The following PLG variants were observed in gnomAD, a reference collection of about 807,000 sequenced individuals.
PLG encodes plasminogen.
In PLG, 41 loss-of-function variants were observed where a neutral mutation model predicts 104.4. The observed-to-expected ratio is 0.39, with a 90% CI of 0.31 to 0.51. PLG has a LOEUF of 0.51. Among genes scored for constraint, PLG ranks in the 20% least tolerant of loss-of-function variants. The pLI is 0.76. For synonymous variants in PLG, 337 were observed against 357.1 expected, an observed-to-expected ratio of 0.94 and a Z score of 0.63; for missense variants, 891 against 1,003.6, an observed-to-expected ratio of 0.89 and a Z score of 1.52.
Position 160,724,148 on chromosome 6 carries a change from A to G in PLG, c.1256+1581A>G, listed in dbSNP as rs1471587178. The stretch of plus-strand genomic sequence containing the variant: ...ACCAGGAGAAAAAGCACTCAAAACA[A>G]ATAAACCCCAAAATGAAGAAATTGG... On this transcript the variant is annotated intron_variant, in intron 10 of 18. Transcript: ENST00000308192. This position sits in a 1 kb window ranked among gnomAD's most constrained non-coding sequence, Gnocchi z 5.0. 6.6e-6 allele frequency among the ~76,000 whole-genome samples: 1 copy of G among 152,222 alleles called. No homozygotes were observed. The highest frequency in any genetic ancestry group is 1.9e-4 in the East Asian group (1 of 5,204).
chr6:160,738,375 C>G lies in PLG; in HGVS notation c.1803-163C>G. On this transcript the variant is annotated intron_variant, in intron 14 of 18. Transcript: ENST00000308192. This position sits in a 1 kb window ranked among gnomAD's most constrained non-coding sequence, Gnocchi z 6.8. ...CTTCTCAAAAATCCCACTCCTGGAG[C>G]ACTGGCCAAAATTACTACCATCCTG... The G allele has an allele frequency of 1.5e-6, 1 of 656,788 alleles. No homozygotes were observed. 40.7% of individuals were successfully genotyped at this position (656,788 alleles called of 1,614,324 possible).
At chr6:160,703,439 A>G in intron 1 of PLG, among the ~76,000 whole-genome samples, 1 of 152,156 alleles carries the variant, frequency 6.6e-6, no homozygotes, top group Admixed American at 6.5e-5. Flanking sequence ...TGTTACCCCC[A>G]ATCTGCAGCT....
At chr6:160,748,980 C>T (rs1370527576) in intron 17 of PLG, among the ~76,000 whole-genome samples, 1 of 152,196 alleles carries the variant, frequency 6.6e-6, no homozygotes, top group Non-Finnish European at 1.5e-5. Context: ...GACGCAGGAC[C>T]ACACTCATAC....
Position 160,753,709 on chromosome 6 carries a change from G to A in PLG, c.*648G>A, listed in dbSNP as rs565857424. Among the ~76,000 whole-genome samples, 1 of 152,162 alleles carries A rather than the reference G, an allele frequency of 6.6e-6. No homozygotes were observed. The highest frequency in any genetic ancestry group is 1.9e-4 in the East Asian group (1 of 5,170). On this transcript the variant is annotated 3_prime_UTR_variant, in exon 19 of 19. Coordinates refer to ENST00000308192, the MANE Select transcript of PLG (RefSeq NM_000301.5). This position sits in a 1 kb window ranked among gnomAD's most constrained non-coding sequence, Gnocchi z 5.4. ...AACTGAGAGTCTGAATGTTATTCTG[G>A]GGCACACGTGAGTCTAGGATTGGTG... is the stretch of plus-strand genomic sequence containing the variant.
chr6:160,725,641 G>T lies in PLG; in HGVS notation c.1256+3074G>T, dbSNP rs1348144941. ...CTCCTAAGCATATTAAATATAAAGG[G>T]ATTAAACATTGCACAGAAAAGGCAG... On this transcript the variant is annotated intron_variant, in intron 10 of 18. Coordinates refer to ENST00000308192, the MANE Select transcript of PLG (RefSeq NM_000301.5). This position sits in a 1 kb window ranked among gnomAD's most constrained non-coding sequence, Gnocchi z 6.3. Among the ~76,000 whole-genome samples, 1 of 151,986 alleles carries T rather than the reference G, an allele frequency of 6.6e-6. No individual in the cohort carries two copies. Among genetic ancestry groups the T allele is most frequent in the Non-Finnish European group, 1.5e-5 (1 of 67,982 alleles).
At chr6:160,706,090 G>C (rs1777516476) in intron 1 of PLG, 2 of 372,426 alleles carry the variant, frequency 5.4e-6, no homozygotes, top group East Asian at 1.2e-4. Flanking sequence ...ACTGAGCTTT[G>C]GGGTACAAAT....
chr6:160,716,616 T>C, intron 6 of PLG, 29 bp from the exon 7 acceptor site: 1 of 1,217,522 alleles, frequency 8.2e-7, no homozygotes, highest in Middle Eastern at 1.9e-4. Context: ...AAATGTTCAG[T>C]GCTACTAAAA....
chr6:160,747,883 A>G (rs192042188), intron 17 of PLG, among the ~76,000 whole-genome samples: 280 of 152,322 alleles, frequency 1.8e-3, no homozygotes, highest in Non-Finnish European at 3.0e-3. Flanking sequence ...GCAAACCTCT[A>G]TGAATTACAT....
chr6:160,729,314 A>G (rs1777962798), intron 10 of PLG, among the ~76,000 whole-genome samples: 1 of 152,248 alleles, frequency 6.6e-6, no homozygotes, highest in South Asian at 2.1e-4. Flanking sequence ...AAAGTACAGT[A>G]TGCTGGTTTT....
At chr6:160,733,332 C>T (rs569710888) in intron 12 of PLG, among the ~76,000 whole-genome samples, 1 of 152,250 alleles carries the variant, frequency 6.6e-6, no homozygotes, top group Non-Finnish European at 1.5e-5. Context: ...GGACAATGCA[C>T]ATCAATGATG....
rs1021958917 is a variant in PLG, at chr6:160,738,470, G to C, written c.1803-68G>C. 1.3e-5 allele frequency: 13 copies of C among 965,910 alleles called. No individual in the cohort carries two copies. Among genetic ancestry groups the C allele is most frequent in the Non-Finnish European group, 2.2e-5 (13 of 588,156 alleles). The allele number at this position is 965,910 out of a possible 1,614,324, so 59.8% of individuals were successfully genotyped here. On this transcript the variant is annotated intron_variant, in intron 14 of 18. Coordinates refer to ENST00000308192, the MANE Select transcript of PLG (RefSeq NM_000301.5). This position sits in a 1 kb window ranked among gnomAD's most constrained non-coding sequence, Gnocchi z 6.8. ...AAAATTAAGTGAACGTGTCTTTCTG[G>C]CTTTCTGTACAATGGAGCAGAACAA...
intron 17 of PLG, among the ~76,000 whole-genome samples, chr6:160,750,267 C>T (rs1778380688): frequency 6.6e-6 from 1 of 152,174 alleles, no homozygotes; most frequent in African/African-American, 2.4e-5. Context: ...CTGGACTTTC[C>T]CTGTTGCCCT....
rs1777996287 is a variant in PLG at position 160,731,321 on chromosome 6, T to C, written c.1438+89T>C. The C allele has an allele frequency of 2.6e-6, 3 of 1,167,112 alleles. No homozygotes were observed. The South Asian group carries it at 3.7e-5, about 14-fold the overall frequency. The allele number at this position is 1,167,112 out of a possible 1,614,324, so 72.3% of individuals were successfully genotyped here. ...TCACTGATGCAGAAACCTTCCATGC[T>C]ACACGAGAAATCAAGTGTTTTTAGA... is the stretch of plus-strand genomic sequence containing the variant. On this transcript the variant is annotated intron_variant, in intron 11 of 18. Coordinates refer to ENST00000308192, the MANE Select transcript of PLG (RefSeq NM_000301.5). This position sits in a 1 kb window ranked among gnomAD's most constrained non-coding sequence, Gnocchi z 5.1.
intron 1 of PLG, among the ~76,000 whole-genome samples, chr6:160,702,829 T>C (rs566244022): frequency 6.6e-6 from 1 of 152,358 alleles, no homozygotes; most frequent in East Asian, 1.9e-4. Flanking sequence ...TCTCCCTTTG[T>C]TATGGCCTGA....
chr6:160,708,237 A>G (rs1777568128), intron 3 of PLG: 1 of 157,544 alleles, frequency 6.3e-6, no homozygotes, highest in Non-Finnish European at 1.4e-5. Flanking sequence ...ATCCTCAGAA[A>G]CATTTAGATT....
chr6:160,709,386 C>A (rs117624300), intron 3 of PLG, among the ~76,000 whole-genome samples: 1,533 of 152,290 alleles, frequency 0.01, 10 homozygotes, highest in Non-Finnish European at 0.017. Context: ...TAGCTGTACA[C>A]ATGATCTCTA....
intron 12 of PLG, among the ~76,000 whole-genome samples, chr6:160,733,448 G>T (rs1778033703): frequency 6.6e-6 from 1 of 152,102 alleles, no homozygotes; most frequent in South Asian, 2.1e-4. Context: ...CCCTGTCCAG[G>T]GGTGTGGCCT....
intron 10 of PLG, 63 bp downstream of exon 10, chr6:160,722,630 C>A: frequency 6.9e-7 from 1 of 1,442,868 alleles, no homozygotes; most frequent in Non-Finnish European, 9.7e-7. Context: ...TTAAAAGAGC[C>A]ATGCTTCATG....
chr6:160,750,753 C>T (rs1000676338), intron 17 of PLG, among the ~76,000 whole-genome samples: 2 of 152,118 alleles, frequency 1.3e-5, no homozygotes, highest in Non-Finnish European at 2.9e-5. Flanking sequence ...GAGAGTGCCT[C>T]GGTTCTTACC....
Sources: gnomAD v4.1 joint callset for allele counts (sites outside exome capture counted in the v4.1 genomes callset) on GRCh38, gnomAD v4.1.1 for gene constraint, Gnocchi (gnomAD v3.1) non-coding constraint, MANE v1.5 for transcripts, NCBI Gene and HGNC (gene_info 2026-07-23, HGNC 2026-07-21) for gene names.